USP20: variants seen among roughly 807,000 people sequenced by gnomAD.
USP20 encodes the protein ubiquitin specific peptidase 20.
Under a neutral mutation model 124.2 loss-of-function variants are expected in USP20, and 80 were observed. The observed-to-expected ratio is 0.64, with a 90% confidence interval of 0.54 to 0.78. USP20 has a LOEUF of 0.78. Among genes scored for constraint, USP20 ranks in the 30% least tolerant of loss-of-function variants. The pLI, the probability that USP20 is intolerant of heterozygous loss-of-function variation, is 0.00. For missense variants in USP20, 1,043 were observed against 1,244.4 expected, an observed-to-expected ratio of 0.84 and a Z score of 2.44; for synonymous variants, 481 against 512.3, an observed-to-expected ratio of 0.94 and a Z score of 0.83.
chr9:129,853,785 G>C (rs1200670884), intron 3 of USP20, among the ~76,000 whole-genome samples: 3 of 152,170 alleles, frequency 2.0e-5, no homozygotes, highest in African/African-American at 7.2e-5. Flanking sequence ...CTGAGAGCAG[G>C]GGGGGGATGA....
Position 129,858,130 on chromosome 9 carries a change from G to T in USP20, c.198+18G>T. The T allele has an allele frequency of 6.2e-7, 1 of 1,613,142 alleles. No individual in the cohort carries two copies. The highest frequency in any genetic ancestry group is 2.2e-5 in the East Asian group (1 of 44,886). Reference sequence around the variant, plus strand: ...ATGCACAGGTGAGTGTGGTGGCTGAGAGTATGGGCCCTGCAGTTAGATGGC... The same window carrying T: ...ATGCACAGGTGAGTGTGGTGGCTGATAGTATGGGCCCTGCAGTTAGATGGC... On this transcript the variant is annotated intron_variant, in intron 5 of 25. Coordinates refer to ENST00000372429, the MANE Select transcript of USP20 (RefSeq NM_001110303.4).
intron 21 of USP20, 45 bp from the exon 22 acceptor site, chr9:129,876,085 G>C: frequency 6.5e-7 from 1 of 1,543,098 alleles, no homozygotes; most frequent in Non-Finnish European, 8.8e-7. Flanking sequence ...TCCCCTCCCT[G>C]GTACCCCGCT....
At chr9:129,846,247 ATTTTTTTTTT>A (rs35809246) in intron 1 of USP20, among the ~76,000 whole-genome samples, 1 of 32,664 alleles carries the variant, frequency 3.1e-5, no homozygotes, top group African/African-American at 1.2e-4. Context: ...ATATATATAT[ATTTTTTTTTT>A]TTTTTTTTTT....
At chr9:129,854,060 T>G (rs4275312) in intron 3 of USP20, among the ~76,000 whole-genome samples, 132,438 of 152,176 alleles carry the variant, frequency 0.87, 58,103 homozygotes, top group East Asian at 1. Context: ...AGAAACTTTC[T>G]GAAAAAGATG....
chr9:129,879,673 C>T lies in USP20; in HGVS notation c.2584+29C>T. ...AGTTCCCCCTGGGGTCAGCCAGGCT[C>T]CTCTCTGCCCTTCCTGGCTGCCAGG... On this transcript the variant is annotated intron_variant, in intron 24 of 25. Transcript: ENST00000372429. The surrounding 1 kb of genome is among the most constrained non-coding windows in gnomAD (Gnocchi z 4.2). The T allele has an allele frequency of 6.2e-7, 1 of 1,612,306 alleles. No homozygotes were observed.
chr9:129,863,192 G>T lies in USP20; in HGVS notation c.504G>T (p.Pro168=). The T allele has an allele frequency of 1.3e-6, 2 of 1,529,652 alleles. No individual in the cohort carries two copies. The highest frequency in any genetic ancestry group is 8.8e-7 in the Non-Finnish European group (1 of 1,130,084). 94.8% of individuals were successfully genotyped at this position (1,529,652 alleles called of 1,614,324 possible). A position where few individuals can be genotyped will look rare whatever the true frequency, so the allele number is the denominator to read the frequency against. ...CTCTCTCCCCTGCACCCAGCCCGCC[G>T]CTGACTCAGTTCTTCTTGGAGTGTG... ...AALQALSNCP[P]LTQFFLECGG... The change falls in exon 9 of 26, where the codon CCG becomes CCT. Residue 168 remains proline (P), a synonymous_variant. Transcript: ENST00000372429.
intron 21 of USP20, among the ~76,000 whole-genome samples, 169 bp from the exon 22 acceptor site, chr9:129,875,961 G>T (rs2034384492): frequency 6.8e-6 from 1 of 146,256 alleles, no homozygotes; most frequent in Non-Finnish European, 1.5e-5. Flanking sequence ...TGGGCTGTGG[G>T]CGCGCTGCTC....
chr9:129,872,041 C>T (rs1251158860), intron 15 of USP20, among the ~76,000 whole-genome samples: 2 of 152,100 alleles, frequency 1.3e-5, no homozygotes, highest in African/African-American at 2.4e-5. Flanking sequence ...TTTGCATTTC[C>T]TAATGATAGT....
intron 6 of USP20, among the ~76,000 whole-genome samples, chr9:129,860,214 C>T (rs2131066331): frequency 6.6e-6 from 1 of 151,952 alleles, no homozygotes; most frequent in African/African-American, 2.4e-5. Flanking sequence ...CCTGTAGTCC[C>T]AGCTAGTCAG....
At chr9:129,876,943 G>T (rs934440720) in intron 22 of USP20, among the ~76,000 whole-genome samples, 1 of 152,062 alleles carries the variant, frequency 6.6e-6, no homozygotes, top group Non-Finnish European at 1.5e-5. Context: ...GATTGCCCAG[G>T]GTCCCCTGGG....
chr9:129,845,691 CT>C (rs2032498045), intron 1 of USP20, among the ~76,000 whole-genome samples: 2 of 151,826 alleles, frequency 1.3e-5, no homozygotes, highest in Admixed American at 1.3e-4. Context: ...TGTGACTGAC[CT>C]TATTAGATTA....
chr9:129,867,380 C>T (rs1465923045), intron 10 of USP20, among the ~76,000 whole-genome samples: 2 of 152,196 alleles, frequency 1.3e-5, no homozygotes, highest in Non-Finnish European at 2.9e-5. Flanking sequence ...GAGACCCAGG[C>T]AGCCTGCAGG....
Position 129,868,429 on chromosome 9 carries a change from C to G in USP20, c.1115C>G (p.Ser372Cys). 1 of 1,610,724 alleles carries G rather than the reference C, an allele frequency of 6.2e-7. No individual in the cohort carries two copies. The stretch of plus-strand genomic sequence containing the variant: ...GCCCAGCCCCCGTCACCACGGTCCT[C>G]CAGCCCCTGCCGGACGCCAGGTATC... ...AEAQPPSPRS[S>C]SPCRTPEPDN... The change falls in exon 11 of 26, where the codon TCC becomes TGC. Residue 372 changes from serine (S) to cysteine (C), a missense_variant. Physicochemically the swap from Ser to Cys is moderately radical, Grantham distance 112. Transcript: ENST00000372429.
At chr9:129,859,117 C>T (rs1367966848) in intron 6 of USP20, among the ~76,000 whole-genome samples, 2 of 151,468 alleles carry the variant, frequency 1.3e-5, no homozygotes, top group Non-Finnish European at 2.9e-5. Context: ...TTAGAGATGG[C>T]AGGTCAGCAA....
intron 4 of USP20, among the ~76,000 whole-genome samples, 176 bp downstream of exon 4, chr9:129,856,536 G>C (rs77933295): frequency 0.013 from 1,958 of 152,336 alleles, 20 homozygotes; most frequent in Middle Eastern, 0.024. Context: ...GCGAATCCTG[G>C]GCTGGCCATT....
In USP20 at chr9:129,869,256, C is replaced by T. The variant is rs2033992825; in HGVS notation, c.1277-54C>T. 4 of 1,559,846 alleles carry T rather than the reference C, an allele frequency of 2.6e-6. No homozygotes were observed. In the South Asian group the frequency reaches 4.5e-5, roughly 17 times the overall value. On this transcript the variant is annotated intron_variant, in intron 12 of 25. Coordinates refer to ENST00000372429, the MANE Select transcript of USP20 (RefSeq NM_001110303.4). The stretch of plus-strand genomic sequence containing the variant: ...GTCAAAGGAAGCCGCAGGGCCCGCA[C>T]CTCGCCCCGGCCAGGCAGGTGGAGG...
In USP20 at chr9:129,881,249, A is replaced by G. The variant is rs2034626454; in HGVS notation, c.*799A>G. 6.6e-6 allele frequency: 1 copy of G among 152,344 alleles called. No individual in the cohort carries two copies. The highest frequency in any genetic ancestry group is 2.1e-4 in the South Asian group (1 of 4,838). The allele number at this position is 152,344 out of a possible 1,614,324, so 9.4% of individuals were successfully genotyped here. ...CAGCTTGGCCATTTGAGGCAAAGGC[A>G]GCTTCCCGAGCTGATGCTAAAGAAG... On this transcript the variant is annotated 3_prime_UTR_variant, in exon 26 of 26. Transcript: ENST00000372429.
intron 1 of USP20, among the ~76,000 whole-genome samples, chr9:129,849,251 G>A (rs1371122458): frequency 6.6e-6 from 1 of 152,162 alleles, no homozygotes; most frequent in Non-Finnish European, 1.5e-5. Context: ...GCAGTGACTA[G>A]TGAAGGCCAG....
At chr9:129,848,650 CAA>C (rs3054848) in intron 1 of USP20, among the ~76,000 whole-genome samples, 9 of 131,882 alleles carry the variant, frequency 6.8e-5, no homozygotes, top group African/African-American at 5.6e-5. Context: ...GAGACTATCT[CAA>C]AAAAAAAAAA....
Sources: gnomAD v4.1 joint callset for allele counts (sites outside exome capture counted in the v4.1 genomes callset) on GRCh38, gnomAD v4.1.1 for gene constraint, Gnocchi (gnomAD v3.1) non-coding constraint, MANE v1.5 for transcripts, NCBI Gene and HGNC (gene_info 2026-07-23, HGNC 2026-07-21) for gene names.